The following NSUN4 variants were observed in gnomAD, a reference collection of about 807,000 sequenced individuals.
The protein encoded by NSUN4 is NOP2/Sun RNA methyltransferase 4.
NSUN4 carries 31 observed loss-of-function variants against 43.8 expected under a neutral mutation model. The observed-to-expected ratio is 0.71, with a 90% CI of 0.53 to 0.96. NSUN4 has a LOEUF of 0.96. Among genes scored for constraint, NSUN4 ranks in the 40% least tolerant of loss-of-function variants. The probability of loss-of-function intolerance (pLI) is 0.00; values close to 1 mark genes in which losing one functional copy is unlikely to be tolerated. For missense variants in NSUN4, 439 were observed against 475.6 expected (o/e 0.92, Z 0.72); for synonymous variants, 167 against 184.1 (o/e 0.91, Z 0.75).
intron 4 of NSUN4, among the ~76,000 whole-genome samples, chr1:46,357,357 A>G (rs1045046812): frequency 6.6e-6 from 1 of 151,954 alleles, no homozygotes; most frequent in Non-Finnish European, 1.5e-5. Context: ...TTTTTTTGGT[A>G]TTTTTTGTGG....
At chr1:46,383,896 G>A in the NSUN4 span, among the ~76,000 whole-genome samples, 3 of 152,186 alleles carry the variant, frequency 2.0e-5, no homozygotes, top group African/African-American at 4.8e-5. Flanking sequence ...GTGAGTGCAC[G>A]GCTGGACAAG....
At chr1:46,350,254 G>C (rs186805750) in intron 3 of NSUN4, among the ~76,000 whole-genome samples, 1 of 152,160 alleles carries the variant, frequency 6.6e-6, no homozygotes, top group Non-Finnish European at 1.5e-5. Context: ...CATTGGCCGG[G>C]GGGCGGTGAC....
chr1:46,358,398 A>ATTTTTTTTTTTTTTTTTTT (rs34719174), intron 4 of NSUN4, among the ~76,000 whole-genome samples: 1 of 95,456 alleles, frequency 1.0e-5, no homozygotes, highest in Non-Finnish European at 2.0e-5. Context: ...TCCTGGCCTA[A>ATTTTTTTTTTTTTTTTTTT]TTTTTTTTTT....
At chr1:46,346,866 C>T in intron 2 of NSUN4, 55 bp from the exon 3 acceptor site, 2 of 1,510,250 alleles carry the variant, frequency 1.3e-6, no homozygotes, top group Non-Finnish European at 1.8e-6. Context: ...GGCCTAGACT[C>T]CCAGTGGGTG....
At chr1:46,381,558 G>A in the NSUN4 span, among the ~76,000 whole-genome samples, 1 of 152,136 alleles carries the variant, frequency 6.6e-6, no homozygotes, top group Non-Finnish European at 1.5e-5. Context: ...CTTTGCAACT[G>A]GAGTCCCTAA....
chr1:46,347,297 G>A (rs1212294978), intron 3 of NSUN4, among the ~76,000 whole-genome samples: 4 of 152,158 alleles, frequency 2.6e-5, no homozygotes, highest in African/African-American at 9.7e-5. Flanking sequence ...AATTAGCTGG[G>A]TGTGGTGGTG....
chr1:46,347,221 T>A, intron 3 of NSUN4, 146 bp downstream of exon 3: 1 of 723,898 alleles, frequency 1.4e-6, no homozygotes, highest in Non-Finnish European at 2.2e-6. Flanking sequence ...GCGGACCACC[T>A]GATGTCAGGA....
At position 46,361,101 on chromosome 1, in the gene NSUN4, C is replaced by T. The variant is rs184684118; in HGVS notation, c.878+273C>T. Among the ~76,000 whole-genome samples the T allele has an allele frequency of 5.7e-4, 87 of 152,066 alleles. 1 individual carries two copies. The East Asian group carries it at 0.014, about 25-fold the overall frequency. ...GGTGGAGGCTGCAGTGAGCTGAGAT[C>T]GTGCCACTGCACTCCAGCCTGGGTA... On this transcript the variant is annotated intron_variant, in intron 5 of 5. Coordinates refer to ENST00000474844, the MANE Select transcript of NSUN4 (RefSeq NM_199044.4).
At chr1:46,347,875 CT>C (rs994118220) in intron 3 of NSUN4, among the ~76,000 whole-genome samples, 1 of 125,914 alleles carries the variant, frequency 7.9e-6, no homozygotes, top group Admixed American at 7.8e-5. Context: ...TTTTTTCTTT[CT>C]TTTTTTTTCT....
intron 4 of NSUN4, among the ~76,000 whole-genome samples, chr1:46,353,945 T>C (rs1470598185): frequency 6.6e-6 from 1 of 152,188 alleles, no homozygotes; most frequent in Non-Finnish European, 1.5e-5. Context: ...AATTTCTCTG[T>C]GGAGGTTAAA....
At chr1:46,360,588 G>A (rs1663795936) in intron 4 of NSUN4, 116 bp from the exon 5 acceptor site, 3 of 1,012,616 alleles carry the variant, frequency 3.0e-6, no homozygotes, top group Non-Finnish European at 1.5e-6. Flanking sequence ...CTGCAAAGGA[G>A]GGATGGGCAG....
chr1:46,349,797 C>T (rs902206314), intron 3 of NSUN4, among the ~76,000 whole-genome samples: 1 of 152,176 alleles, frequency 6.6e-6, no homozygotes, highest in Non-Finnish European at 1.5e-5. Flanking sequence ...AGCCTGTGTG[C>T]TGGACAATTC....
At chr1:46,366,704 C>CAAAAAAAAAAAAAAAAA (rs34437222), downstream of NSUN4, among the ~76,000 whole-genome samples, 1 of 59,432 alleles carries the variant, frequency 1.7e-5, no homozygotes, top group Non-Finnish European at 2.8e-5. Context: ...ACTAAAAATA[C>CAAAAAAAAAAAAAAAAA]AAAAAAAAAA....
the NSUN4 span, among the ~76,000 whole-genome samples, chr1:46,376,553 ATAGAT>A: frequency 0.22 from 33,964 of 152,028 alleles, 4,220 homozygotes; most frequent in Non-Finnish European, 0.29. Context: ...TCCTTAGATA[ATAGAT>A]TAGTCTGTCT....
the NSUN4 span, among the ~76,000 whole-genome samples, chr1:46,378,301 G>C: frequency 6.6e-6 from 1 of 151,834 alleles, no homozygotes; most frequent in East Asian, 1.9e-4. Flanking sequence ...TGGTTCAAGG[G>C]ATCCTCCTGC....
At chr1:46,341,057 T>C in intron 1 of NSUN4, 138 bp downstream of exon 1, 7 of 1,121,108 alleles carry the variant, frequency 6.2e-6, no homozygotes, top group Non-Finnish European at 8.7e-6. Flanking sequence ...CCCTCTCTCG[T>C]CTTTTCCGTC....
In NSUN4 at chr1:46,345,877, T is replaced by C. The variant is rs966291322; in HGVS notation, c.437+733T>C. On this transcript the variant is annotated intron_variant, in intron 2 of 5. Transcript: ENST00000474844. ...TTTATTAAAAAATATTGGCCGGGTG[T>C]GGTGGCTCACGCCTTTAATCCTAGC... Among the ~76,000 whole-genome samples, 20 of 152,246 alleles carry C rather than the reference T, an allele frequency of 1.3e-4. No individual in the cohort carries two copies. In the Middle Eastern group the frequency reaches 0.01, roughly 78 times the overall value.
chr1:46,357,790 C>A (rs932016778), intron 4 of NSUN4, among the ~76,000 whole-genome samples: 1 of 152,046 alleles, frequency 6.6e-6, no homozygotes, highest in African/African-American at 2.4e-5. Context: ...TTAGGTGTAT[C>A]TCTTATATGC....
chr1:46,348,568 G>C (rs927847457), intron 3 of NSUN4, among the ~76,000 whole-genome samples: 2 of 151,816 alleles, frequency 1.3e-5, no homozygotes, highest in African/African-American at 4.8e-5. Context: ...CAAAAAATTA[G>C]CCGGGCCTGG....
Sources: allele counts gnomAD v4.1 joint callset (sites outside exome capture counted in the v4.1 genomes callset), GRCh38; gene constraint gnomAD v4.1.1; transcripts MANE v1.5; gene names NCBI Gene and HGNC (gene_info 2026-07-23, HGNC 2026-07-21).